TENM1: variants seen among roughly 807,000 people sequenced by gnomAD.
TENM1 encodes the protein teneurin-1.
A neutral mutation model predicts 174.8 loss-of-function variants in TENM1; 35 were observed. The observed-to-expected ratio is 0.20, with a 90% CI of 0.15 to 0.27. The LOEUF is 0.27. TENM1 is among the 10% of genes least tolerant of loss of function. The pLI, the probability that TENM1 is intolerant of heterozygous loss-of-function variation, is 1.00. For synonymous variants in TENM1, 781 were observed against 798.7 expected (o/e 0.98, Z 0.37); for missense variants, 1,633 against 2,130.1 (o/e 0.77, Z 4.59).
intron 18 of TENM1, among the ~76,000 whole-genome samples, chrX:124,517,425 A>G (rs1164149357): frequency 1.8e-5 from 2 of 110,070 alleles, no homozygotes; most frequent in Admixed American, 1.9e-4. Context: ...ATGTCCAACA[A>G]TGATAGACTG....
exon 22 of TENM1, chrX:124,481,760 T>C (rs2046849484): frequency 8.6e-7 from 1 of 1,169,007 alleles, no homozygotes; most frequent in East Asian, 3.0e-5. Flanking sequence ...AAGCTTCCGA[T>C]GCTCTCCCAC....
rs1307083406 is a variant in TENM1, at chrX:124,920,118, G to A, written c.218-23877C>T. On this transcript the variant is annotated intron_variant, in intron 1 of 31. Transcript: ENST00000422452. The stretch of plus-strand genomic sequence containing the variant: ...AATTCTGAATCAACAAAAAAAATAC[G>A]GATTAATGAAAATTCCTCATTCCCT... 4.5e-5 allele frequency among the ~76,000 whole-genome samples: 5 copies of A among 110,893 alleles called. No individual in the cohort carries two copies. The East Asian group carries it at 8.5e-4, about 19-fold the overall frequency.
chrX:124,414,913 A>G (rs150130054), intron 25 of TENM1, among the ~76,000 whole-genome samples: 1,169 of 111,389 alleles, frequency 0.01, 19 homozygotes, highest in African/African-American at 0.037. Context: ...CAGAACTTAT[A>G]CTTCCACCTG....
chrX:124,471,302 A>AATATATATT (rs1408251362), intron 22 of TENM1, among the ~76,000 whole-genome samples: 1 of 45,967 alleles, frequency 2.2e-5, no homozygotes, highest in Non-Finnish European at 3.4e-5. Flanking sequence ...TATATATTAT[A>AATATATATT]ATATATAGTA....
intron 3 of TENM1, among the ~76,000 whole-genome samples, chrX:124,877,828 C>A (rs745534845): frequency 6.5e-4 from 72 of 110,856 alleles, no homozygotes; most frequent in Non-Finnish European, 2.6e-4. Context: ...GGAAGACTTG[C>A]CAATAACAAA....
chrX:125,147,188 T>A, the TENM1 span, among the ~76,000 whole-genome samples: 14,813 of 107,914 alleles, frequency 0.14, 785 homozygotes, highest in Middle Eastern at 0.17. Flanking sequence ...TATATGTGTG[T>A]ATACATATCT....
intron 1 of TENM1, among the ~76,000 whole-genome samples, chrX:124,906,897 AG>A (rs2057757018): frequency 9.0e-6 from 1 of 111,503 alleles, no homozygotes; most frequent in Admixed American, 9.6e-5. Context: ...GCAGATCAGT[AG>A]TTGCCTGGAC....
chrX:124,694,618 T>C (rs1569396899), intron 5 of TENM1, among the ~76,000 whole-genome samples: 1 of 112,209 alleles, frequency 8.9e-6, no homozygotes, highest in Non-Finnish European at 1.9e-5. Context: ...ATAATACATA[T>C]GCAGACACAC....
At chrX:124,928,459 T>C (rs895980585) in intron 1 of TENM1, among the ~76,000 whole-genome samples, 4 of 111,965 alleles carry the variant, frequency 3.6e-5, no homozygotes, top group Non-Finnish European at 3.8e-5. Flanking sequence ...TCTGTACAGA[T>C]TGAAGCTAAT....
At chrX:124,440,697 AT>A (rs1287085870) in intron 23 of TENM1, among the ~76,000 whole-genome samples, 1 of 111,932 alleles carries the variant, frequency 8.9e-6, no homozygotes, top group African/African-American at 3.2e-5. Flanking sequence ...TTTATTTAGC[AT>A]TATTATGTAA....
intron 18 of TENM1, among the ~76,000 whole-genome samples, chrX:124,506,936 C>G (rs973737756): frequency 4.5e-5 from 5 of 111,590 alleles, no homozygotes; most frequent in Admixed American, 1.9e-4. Context: ...TGTCTTGACA[C>G]CATGCTCTGC....
chrX:124,718,315 G>A (rs1006898023), intron 4 of TENM1, among the ~76,000 whole-genome samples: 28 of 112,109 alleles, frequency 2.5e-4, no homozygotes, highest in African/African-American at 7.1e-4. Flanking sequence ...AAGATCATTC[G>A]TTAGTTGCTT....
Position 124,406,294 on chromosome X carries a change from G to T in TENM1, c.5155+23C>A, listed in dbSNP as rs201989805. ...GTTGACATAGGGGCTGTTACAGTCA[G>T]ATATCGTTGGAAACAATCTTACCTT... On this transcript the variant is annotated intron_variant, in intron 26 of 31. Coordinates refer to ENST00000422452, the Ensembl canonical transcript of TENM1. The T allele has an allele frequency of 1.1e-3, 1,261 of 1,174,692 alleles. 1 individual carries two copies. The highest frequency in any genetic ancestry group is 1.3e-3 in the Non-Finnish European group (1,151 of 868,382).
At chrX:124,535,061 C>T (rs766133450) in intron 15 of TENM1, among the ~76,000 whole-genome samples, 14 of 112,012 alleles carry the variant, frequency 1.2e-4, no homozygotes, top group Non-Finnish European at 2.1e-4. Context: ...TGTTGGTCCT[C>T]AGTCCTGTAT....
exon 14 of TENM1, chrX:124,561,814 C>T (rs369558370): frequency 8.3e-7 from 1 of 1,209,759 alleles, no homozygotes; most frequent in East Asian, 3.0e-5. Flanking sequence ...CCCTGGGCAG[C>T]CATCTGAAAA....
chrX:124,508,371 CAT>C (rs1444987869), intron 18 of TENM1, among the ~76,000 whole-genome samples: 5 of 112,237 alleles, frequency 4.5e-5, no homozygotes, highest in Admixed American at 1.9e-4. Flanking sequence ...GACAAATTCA[CAT>C]AGTTTTCCCC....
chrX:124,454,514 C>CT (rs767578978), intron 22 of TENM1, among the ~76,000 whole-genome samples: 4 of 111,079 alleles, frequency 3.6e-5, no homozygotes, highest in African/African-American at 1.3e-4. Context: ...AGTGATTATC[C>CT]TGCTTCAGCC....
intron 27 of TENM1, among the ~76,000 whole-genome samples, chrX:124,402,155 A>C (rs1603252027): frequency 8.9e-6 from 1 of 112,398 alleles, no homozygotes; most frequent in Non-Finnish European, 1.9e-5. Flanking sequence ...TGGTCTCCTT[A>C]TCTGTAAATT....
intron 3 of TENM1, among the ~76,000 whole-genome samples, chrX:124,783,758 G>A (rs1398699721): frequency 8.9e-6 from 1 of 111,870 alleles, no homozygotes; most frequent in East Asian, 2.8e-4. Context: ...AGGAAACAAT[G>A]AGGCAGCACA....
Sources: allele counts gnomAD v4.1 joint callset (sites outside exome capture counted in the v4.1 genomes callset), GRCh38; gene constraint gnomAD v4.1.1; transcripts MANE v1.5; gene names NCBI Gene and HGNC (gene_info 2026-07-23, HGNC 2026-07-21).